The following CSMD2 variants were observed in gnomAD, a reference collection of about 807,000 sequenced individuals.
CSMD2 encodes the protein CUB and Sushi multiple domains 2.
CSMD2 carries 130 observed loss-of-function variants against 398.5 expected under a neutral mutation model. That is an observed-to-expected ratio of 0.33 (90% CI 0.28 to 0.38). The LOEUF is 0.38. CSMD2 is among the 10% of genes least tolerant of loss of function. The pLI, the probability that CSMD2 is intolerant of heterozygous loss-of-function variation, is 1.00. For synonymous variants in CSMD2, 1,828 were observed against 1,908.5 expected, an observed-to-expected ratio of 0.96 and a Z score of 1.10; for missense variants, 3,829 against 4,764.9, an observed-to-expected ratio of 0.80 and a Z score of 5.78.
rs1640192011 is a variant in CSMD2, at chr1:33,601,162, T to C, written c.6711-152A>G. On this transcript the variant is annotated intron_variant, in intron 43 of 70. Coordinates refer to ENST00000373381, the MANE Select transcript of CSMD2 (RefSeq NM_001281956.2). ...CCCCACACCATGCCCTAAATACCTC[T>C]CCCAACCGTTCCCAACTTGGTCTCC... 4.4e-6 allele frequency: 4 copies of C among 901,456 alleles called. No individual in the cohort carries two copies. The South Asian group carries it at 5.2e-5, about 12-fold the overall frequency. The allele number at this position is 901,456 out of a possible 1,614,324, so 55.8% of individuals were successfully genotyped here.
intron 3 of CSMD2, among the ~76,000 whole-genome samples, chr1:33,991,324 T>C (rs1465923640): frequency 2.0e-5 from 3 of 152,160 alleles, no homozygotes; most frequent in Admixed American, 6.5e-5. Flanking sequence ...GTACTTCCAA[T>C]TGGAACATCT....
At chr1:34,014,720 T>C (rs1647842932) in intron 3 of CSMD2, among the ~76,000 whole-genome samples, 1 of 152,272 alleles carries the variant, frequency 6.6e-6, no homozygotes. Context: ...TGTGGGTTTT[T>C]CCAGGCCTTG....
At chr1:34,058,428 C>T (rs966431131) in intron 2 of CSMD2, among the ~76,000 whole-genome samples, 5 of 152,088 alleles carry the variant, frequency 3.3e-5, no homozygotes, top group African/African-American at 1.2e-4. Flanking sequence ...CCTCTACATT[C>T]CTATAGCTAT....
intron 25 of CSMD2, among the ~76,000 whole-genome samples, chr1:33,673,523 T>C (rs557078696): frequency 9.5e-4 from 144 of 152,328 alleles, no homozygotes; most frequent in Middle Eastern, 3.4e-3. Context: ...TGGAACCAAG[T>C]TGGAAAACAC....
chr1:33,966,980 G>A (rs949253933), intron 3 of CSMD2, among the ~76,000 whole-genome samples: 1 of 152,152 alleles, frequency 6.6e-6, no homozygotes, highest in South Asian at 2.1e-4. Flanking sequence ...TACGAGAAAA[G>A]GTTTAAACAT....
intron 6 of CSMD2, among the ~76,000 whole-genome samples, chr1:33,840,728 G>A (rs1005941834): frequency 6.6e-6 from 1 of 152,200 alleles, no homozygotes; most frequent in South Asian, 2.1e-4. Flanking sequence ...GCTCACTCTG[G>A]ACTGAACTCA....
In CSMD2 at chr1:33,819,721, A is replaced by T; in HGVS notation, c.1316T>A (p.Val439Asp). 1 of 1,613,424 alleles carries T rather than the reference A, an allele frequency of 6.2e-7. No individual in the cohort carries two copies. The highest frequency in any genetic ancestry group is 8.5e-7 in the Non-Finnish European group (1 of 1,179,940). ...CCCCAGGGCACCCTCACCTCGGCAG[A>T]CTGGCCTGTGGTCGCTCCAGGCCGC... ...MFAAWSDHRP[V>D]CRARMCDAHL... is the part of the protein sequence containing the mutation. Residue 439 changes from valine to aspartate, a missense_variant, in exon 9 of 71, where the codon GTC becomes GAC. By Grantham distance (152) the Val-to-Asp change is radical. Around this residue, in one of 5 missense-constraint regions of CSMD2, gnomAD observed 2,001 missense variants for 2,567.1 expected, o/e 0.78. Coordinates refer to ENST00000373381, the MANE Select transcript of CSMD2 (RefSeq NM_001281956.2).
At chr1:33,652,889 G>A (rs1643838455) in intron 27 of CSMD2, among the ~76,000 whole-genome samples, 1 of 152,106 alleles carries the variant, frequency 6.6e-6, no homozygotes, top group South Asian at 2.1e-4. Flanking sequence ...CAAGCAGCTG[G>A]GACTACAGGC....
rs528954615 is a variant in CSMD2, at chr1:33,702,602, G to A, written c.3577-1929C>T. ...TATAATTTTTTATAACAATAAGATC[G>A]AATTATAGATACTATAGGGCAAACT... On this transcript the variant is annotated intron_variant, in intron 22 of 70. Transcript: ENST00000373381. 5.3e-5 allele frequency among the ~76,000 whole-genome samples: 8 copies of A among 152,082 alleles called. No homozygotes were observed. In the South Asian group the frequency reaches 6.2e-4, roughly 12 times the overall value.
At chr1:33,745,358 A>T (rs1557830147) in intron 13 of CSMD2, among the ~76,000 whole-genome samples, 1 of 152,242 alleles carries the variant, frequency 6.6e-6, no homozygotes, top group Non-Finnish European at 1.5e-5. Flanking sequence ...ATCTTTTAAT[A>T]TATACAAGCA....
chr1:33,548,668 T>C (rs1010803578), intron 56 of CSMD2, among the ~76,000 whole-genome samples: 2 of 152,358 alleles, frequency 1.3e-5, no homozygotes, highest in South Asian at 4.1e-4. Context: ...ATATACCTAA[T>C]GTTACTTCCT....
intron 37 of CSMD2, 43 bp downstream of exon 37, chr1:33,622,124 T>C (rs1570976206): frequency 6.9e-7 from 1 of 1,457,454 alleles, no homozygotes; most frequent in East Asian, 2.3e-5. Flanking sequence ...AACTTTTAGG[T>C]CCCACCCTGA....
At chr1:33,671,132 G>A (rs570393667) in intron 25 of CSMD2, among the ~76,000 whole-genome samples, 23 of 152,312 alleles carry the variant, frequency 1.5e-4, no homozygotes, top group African/African-American at 1.2e-4. Flanking sequence ...ACCTGAAGCC[G>A]TGGCTCAGGG....
chr1:33,767,655 G>C (rs1173231583), intron 13 of CSMD2, among the ~76,000 whole-genome samples: 1 of 152,230 alleles, frequency 6.6e-6, no homozygotes, highest in Non-Finnish European at 1.5e-5. Flanking sequence ...CAGAGAAAAT[G>C]TAAAGATTAG....
intron 37 of CSMD2, among the ~76,000 whole-genome samples, chr1:33,619,302 G>T (rs1420128893): frequency 1.3e-5 from 2 of 152,166 alleles, no homozygotes; most frequent in African/African-American, 4.8e-5. Flanking sequence ...AGGCTCCCTT[G>T]GGGGATACAG....
Position 33,840,839 on chromosome 1 carries a change from G to T in CSMD2, c.1033+6045C>A, listed in dbSNP as rs1042275239. Among the ~76,000 whole-genome samples, 5 of 152,272 alleles carry T rather than the reference G, an allele frequency of 3.3e-5. No homozygotes were observed. The East Asian group carries it at 9.7e-4, about 29-fold the overall frequency. ...GGTGCAGAACCTGGAAATTAGGCTG[G>T]AAAGTTTAGCAGATCAGCAGGCCAA... On this transcript the variant is annotated intron_variant, in intron 6 of 70. Transcript: ENST00000373381.
chr1:33,523,490 G>A, intron 66 of CSMD2, 71 bp from the exon 67 acceptor site: 1 of 704,944 alleles, frequency 1.4e-6, no homozygotes, highest in Non-Finnish European at 2.5e-6. Context: ...TTGTGGGTTT[G>A]TGGGTGTAAG....
intron 4 of CSMD2, among the ~76,000 whole-genome samples, chr1:33,925,020 G>C (rs1206749445): frequency 6.6e-6 from 1 of 152,052 alleles, no homozygotes; most frequent in Non-Finnish European, 1.5e-5. Flanking sequence ...TTTGTTGATG[G>C]TTTCTTTTTC....
chr1:34,160,703 C>G (rs972434021), intron 1 of CSMD2, among the ~76,000 whole-genome samples: 1 of 152,162 alleles, frequency 6.6e-6, no homozygotes, highest in Non-Finnish European at 1.5e-5. Flanking sequence ...CTTCAGTAAG[C>G]TCACATTTTA....
Sources: gnomAD v4.1 joint callset for allele counts (sites outside exome capture counted in the v4.1 genomes callset) on GRCh38, gnomAD v4.1.1 for gene constraint, gnomAD v4.1.1 regional missense constraint, MANE v1.5 for transcripts, NCBI Gene and HGNC (gene_info 2026-07-23, HGNC 2026-07-21) for gene names.